Variants in DACH1 observed in about 807,000 individuals in gnomAD.
DACH1 encodes the protein dachshund homolog 1.
DACH1 carries 12 observed loss-of-function variants against 54.2 expected under a neutral mutation model. The ratio of observed to expected loss-of-function variants is 0.22; its 90% confidence interval spans 0.14 to 0.36. The LOEUF is 0.36. Ranked by LOEUF, DACH1 falls within the 10% of genes least tolerant of loss-of-function variation. The pLI is 1.00. For missense variants in DACH1, 805 were observed against 929.8 expected (o/e 0.87, Z 1.75); for synonymous variants, 386 against 366.2 (o/e 1.05, Z -0.62).
At chr13:71,679,745 G>T (rs1421535358) in intron 2 of DACH1, among the ~76,000 whole-genome samples, 2 of 152,006 alleles carry the variant, frequency 1.3e-5, no homozygotes, top group Non-Finnish European at 2.9e-5. Flanking sequence ...AGCACTTTGG[G>T]AGGCCGAGGC....
chr13:71,702,563 T>C (rs1044616595), intron 1 of DACH1, among the ~76,000 whole-genome samples: 1 of 152,096 alleles, frequency 6.6e-6, no homozygotes, highest in African/African-American at 2.4e-5. Context: ...AAAGGTAGCA[T>C]TGAACTTGTA....
intron 3 of DACH1, among the ~76,000 whole-genome samples, chr13:71,593,204 C>A (rs1354256931): frequency 6.6e-6 from 1 of 152,014 alleles, no homozygotes; most frequent in South Asian, 2.1e-4. Flanking sequence ...GAGGAACATC[C>A]TTTTATCGAA....
chr13:71,634,035 T>C (rs572315855), intron 2 of DACH1, among the ~76,000 whole-genome samples: 1 of 151,408 alleles, frequency 6.6e-6, no homozygotes, highest in South Asian at 2.1e-4. Flanking sequence ...TGCAATGGCG[T>C]GATCTCTGCT....
chr13:71,470,382 C>T (rs1026384866), intron 10 of DACH1, among the ~76,000 whole-genome samples: 1 of 151,360 alleles, frequency 6.6e-6, no homozygotes, highest in East Asian at 2.0e-4. Flanking sequence ...AACTTCGGCT[C>T]ACTGCAACCT....
chr13:71,802,928 G>T (rs1038029035), intron 1 of DACH1, among the ~76,000 whole-genome samples: 4 of 152,032 alleles, frequency 2.6e-5, no homozygotes, highest in Non-Finnish European at 5.9e-5. Context: ...AATTGTGTAG[G>T]TTTAAGCAAA....
chr13:71,830,788 C>A (rs1230599365), intron 1 of DACH1, among the ~76,000 whole-genome samples: 1 of 151,800 alleles, frequency 6.6e-6, no homozygotes, highest in Non-Finnish European at 1.5e-5. Flanking sequence ...CTGCCAATCC[C>A]ATCTTATTTA....
At chr13:71,538,863 G>A (rs181920587) in intron 6 of DACH1, among the ~76,000 whole-genome samples, 3 of 151,976 alleles carry the variant, frequency 2.0e-5, no homozygotes, top group South Asian at 2.1e-4. Flanking sequence ...TTTCAATTTC[G>A]TTTCATATTT....
At chr13:71,602,039 A>T (rs1874533323) in intron 3 of DACH1, among the ~76,000 whole-genome samples, 1 of 152,014 alleles carries the variant, frequency 6.6e-6, no homozygotes, top group African/African-American at 2.4e-5. Context: ...ATATTGACTA[A>T]TTGTTAATTG....
intron 1 of DACH1, among the ~76,000 whole-genome samples, chr13:71,686,407 G>C (rs945578811): frequency 4.6e-5 from 7 of 151,926 alleles, no homozygotes; most frequent in Admixed American, 4.6e-4. Context: ...TCGCCAGGGG[G>C]GTCTTCTTTC....
intron 10 of DACH1, among the ~76,000 whole-genome samples, chr13:71,453,339 C>G (rs970805967): frequency 6.6e-6 from 1 of 151,988 alleles, no homozygotes; most frequent in African/African-American, 2.4e-5. Flanking sequence ...TAAAACACAG[C>G]ATAGAAGAAA....
At chr13:71,808,197 A>T (rs1274988306) in intron 1 of DACH1, among the ~76,000 whole-genome samples, 7 of 152,160 alleles carry the variant, frequency 4.6e-5, no homozygotes, top group Admixed American at 4.6e-4. Flanking sequence ...GCTTACACAG[A>T]TATCCCCAGA....
chr13:71,588,817 CCTTT>C (rs1316225834), intron 3 of DACH1, among the ~76,000 whole-genome samples: 1 of 151,862 alleles, frequency 6.6e-6, no homozygotes, highest in Non-Finnish European at 1.5e-5. Context: ...TATTTTCCTC[CCTTT>C]CTTTAATTTT....
chr13:71,657,002 G>GTATA (rs541587239), intron 2 of DACH1, among the ~76,000 whole-genome samples: 1 of 132,300 alleles, frequency 7.6e-6, no homozygotes, highest in Non-Finnish European at 1.6e-5. Flanking sequence ...ACAGGTATGT[G>GTATA]TATATATATA....
chr13:71,537,836 A>G (rs974110493), intron 6 of DACH1, among the ~76,000 whole-genome samples: 1 of 152,130 alleles, frequency 6.6e-6, no homozygotes, highest in Admixed American at 6.6e-5. Flanking sequence ...TAGCTGCTCA[A>G]TGAATATTTT....
rs780203589 is a variant in DACH1, at chr13:71,489,031, A to C, written c.1688T>G (p.Leu563Arg). ...FPSPFLFPDG[L>R]SSIETLLTNI... ...AGTCAGAAGAGTCTCGATGGAAGAC[A>C]GTCCATCAGGAAACAGAAAAGGAGA... The change falls in exon 7 of 11, where the codon CTG becomes CGG. Residue 563 changes from leucine (L) to arginine (R), a missense_variant. Leu to Arg is a moderately radical substitution (Grantham distance 102). Transcript: ENST00000613252. 3 of 1,613,818 alleles carry C rather than the reference A, an allele frequency of 1.9e-6. No homozygotes were observed. Among genetic ancestry groups the C allele is most frequent in the Non-Finnish European group, 2.5e-6 (3 of 1,179,788 alleles).
Position 71,866,833 on chromosome 13 carries a change from G to GAGGGGA in DACH1, c.-70_-65dup. On this transcript the variant is annotated 5_prime_UTR_variant, in exon 1 of 11. Transcript: ENST00000613252. ...AGGAAAAGTTGCCACACACCCCCGG[G>GAGGGGA]AGGGGAAGGGGAAAAAAGGGGGGAG... The GAGGGGA allele has an allele frequency of 2.4e-6, 3 of 1,226,598 alleles. No homozygotes were observed. The highest frequency in any genetic ancestry group is 3.1e-6 in the Non-Finnish European group (3 of 973,564). 76.0% of individuals were successfully genotyped at this position (1,226,598 alleles called of 1,614,324 possible).
At chr13:71,573,370 C>T in intron 3 of DACH1, 4 of 708,732 alleles carry the variant, frequency 5.6e-6, no homozygotes, top group Non-Finnish European at 7.9e-6. Context: ...CTGATAAATA[C>T]AATTTAAAAA....
intron 3 of DACH1, among the ~76,000 whole-genome samples, chr13:71,590,838 C>CTT (rs1320042591): frequency 4.5e-5 from 6 of 133,500 alleles, no homozygotes; most frequent in African/African-American, 1.7e-4. Context: ...CCCAGTTTTT[C>CTT]TTTTCTTTTT....
rs1884017135 is a variant in DACH1, at chr13:71,735,371, GAT to G, written c.849-53463_849-53462del. Reference sequence around the variant, plus strand: ...GTATATGGGATATACACGTATACGGGATATACGTGTATATGGGATATACACGT... The same window carrying G: ...GTATATGGGATATACACGTATACGGGATACGTGTATATGGGATATACACGT... On this transcript the variant is annotated intron_variant, in intron 1 of 10. Coordinates refer to ENST00000613252, the MANE Select transcript of DACH1 (RefSeq NM_080759.6). 5.6e-5 allele frequency among the ~76,000 whole-genome samples: 2 copies of G among 35,408 alleles called. 1 individual carries two copies. Among genetic ancestry groups the G allele is most frequent in the African/African-American group, 1.4e-4 (2 of 14,740 alleles). The allele number at this position is 35,408 out of a possible 152,430, so 23.2% of individuals were successfully genotyped here. A position where few individuals can be genotyped will look rare whatever the true frequency, so the allele number is the denominator to read the frequency against.
Sources: gnomAD v4.1 joint callset for allele counts (sites outside exome capture counted in the v4.1 genomes callset) on GRCh38, gnomAD v4.1.1 for gene constraint, MANE v1.5 for transcripts, NCBI Gene and HGNC (gene_info 2026-07-23, HGNC 2026-07-21) for gene names.